The following PLCE1 variants were observed in gnomAD, a reference collection of about 807,000 sequenced individuals.
PLCE1 encodes the protein phospholipase C epsilon 1.
Under a neutral mutation model 242.8 loss-of-function variants are expected in PLCE1, and 119 were observed. The ratio of observed to expected loss-of-function variants is 0.49; its 90% CI spans 0.42 to 0.57. The LOEUF (loss-of-function observed/expected upper bound fraction) is 0.57. Ranked by LOEUF, PLCE1 falls within the 20% of genes least tolerant of loss-of-function variation. PLCE1 has a pLI of 0.00. For synonymous variants in PLCE1, 945 were observed against 1,017.4 expected (o/e 0.93, Z 1.35); for missense variants, 2,441 against 2,788.8 (o/e 0.88, Z 2.81).
Position 94,053,820 on chromosome 10 carries a change from G to A in PLCE1, c.1206+21568G>A, listed in dbSNP as rs185323926. Among the ~76,000 whole-genome samples, 515 of 152,340 alleles carry A rather than the reference G, an allele frequency of 3.4e-3. 2 individuals are homozygous for A. The highest frequency in any genetic ancestry group is 0.012 in the African/African-American group (496 of 41,572). The stretch of plus-strand genomic sequence containing the variant: ...AGCCTTCCAGTCGCTGAATGAAGTT[G>A]AAAAGTAGAACAGATTTGGAAAACA... On this transcript the variant is annotated intron_variant, in intron 2 of 32. Coordinates refer to ENST00000371380, the MANE Select transcript of PLCE1 (RefSeq NM_016341.4).
At chr10:94,216,967 T>G (rs2049550432) in intron 4 of PLCE1, among the ~76,000 whole-genome samples, 1 of 150,938 alleles carries the variant, frequency 6.6e-6, no homozygotes, top group African/African-American at 2.4e-5. Flanking sequence ...CATGCTCTAC[T>G]ATCTTCCATT....
rs548793473 is a variant in PLCE1 at position 94,237,554 on chromosome 10, C to A, written c.2420+1434C>A. Among the ~76,000 whole-genome samples the A allele has an allele frequency of 1.9e-4, 29 of 152,316 alleles. No individual in the cohort carries two copies. In the South Asian group the frequency reaches 6.0e-3, roughly 32 times the overall value. On this transcript the variant is annotated intron_variant, in intron 7 of 32. Coordinates refer to ENST00000371380, the MANE Select transcript of PLCE1 (RefSeq NM_016341.4). ...CCCATTTTCCAAGCCCTGCTGCAAG[C>A]ACTCTTAGAAGAGGAGAAAAACACA...
intron 1 of PLCE1, among the ~76,000 whole-genome samples, chr10:94,007,314 G>T (rs1251829546): frequency 1.4e-5 from 2 of 142,186 alleles, no homozygotes; most frequent in Non-Finnish European, 1.5e-5. Flanking sequence ...GGTGATAGTT[G>T]AATCTGTGGG....
intron 18 of PLCE1, among the ~76,000 whole-genome samples, chr10:94,271,697 C>T (rs2133145766): frequency 6.6e-6 from 1 of 152,262 alleles, no homozygotes; most frequent in Middle Eastern, 3.4e-3. Flanking sequence ...TGTTAACAGT[C>T]AGTCCTTCCT....
chr10:94,063,557 C>G (rs762493664), intron 2 of PLCE1, among the ~76,000 whole-genome samples: 1 of 152,196 alleles, frequency 6.6e-6, no homozygotes, highest in Non-Finnish European at 1.5e-5. Context: ...TTTGCCTATC[C>G]TAAGCACATT....
chr10:94,283,567 G>A, intron 20 of PLCE1: 2 of 425,526 alleles, frequency 4.7e-6, no homozygotes, highest in Non-Finnish European at 9.0e-6. Context: ...GTATATAAGT[G>A]ACAAAAACTA....
intron 2 of PLCE1, among the ~76,000 whole-genome samples, chr10:94,054,382 A>G (rs1764433395): frequency 6.6e-6 from 1 of 152,290 alleles, no homozygotes. Context: ...GAAGTACACC[A>G]TGTTCTAGGC....
intron 4 of PLCE1, among the ~76,000 whole-genome samples, chr10:94,195,983 A>T (rs2048808822): frequency 6.6e-6 from 1 of 152,164 alleles, no homozygotes; most frequent in African/African-American, 2.4e-5. Context: ...CTAGAGTTTG[A>T]ACTCTCAGAG....
intron 5 of PLCE1, among the ~76,000 whole-genome samples, chr10:94,228,028 G>A (rs2137189872): frequency 6.6e-6 from 1 of 152,336 alleles, no homozygotes; most frequent in East Asian, 1.9e-4. Context: ...AAAAGAGGAA[G>A]CTAAGGCTAA....
In PLCE1 at chr10:94,272,442, T is replaced by G. The variant is rs144369364; in HGVS notation, c.4507-1120T>G. 9.1e-3 allele frequency among the ~76,000 whole-genome samples: 1,382 copies of G among 152,282 alleles called. 23 individuals carry two copies. Among genetic ancestry groups the G allele is most frequent in the African/African-American group, 0.03 (1,247 of 41,556 alleles). On this transcript the variant is annotated intron_variant, in intron 18 of 32. Transcript: ENST00000371380. ...GTCTTCCCTTGTTCCCTAAAATCGC[T>G]GTTATTCTGTTCATTTTCAAGGTGC...
At chr10:94,141,582 AAGGGAAGGCT>A (rs1564727275) in intron 3 of PLCE1, among the ~76,000 whole-genome samples, 1 of 84,294 alleles carries the variant, frequency 1.2e-5, no homozygotes, top group African/African-American at 5.5e-5. Flanking sequence ...AGGGAAGGTG[AAGGGAAGGCT>A]AAGGGAAGGC....
intron 2 of PLCE1, among the ~76,000 whole-genome samples, chr10:94,067,646 G>C (rs1035628012): frequency 5.9e-5 from 9 of 152,224 alleles, no homozygotes; most frequent in Non-Finnish European, 1.2e-4. Flanking sequence ...AGGGCCTGAA[G>C]GGGGAAGAGG....
chr10:94,061,511 C>T (rs567547583), intron 2 of PLCE1, among the ~76,000 whole-genome samples: 59 of 152,020 alleles, frequency 3.9e-4, no homozygotes, highest in African/African-American at 1.4e-3. Context: ...GATGTGCATA[C>T]CATTAGCCAA....
intron 1 of PLCE1, among the ~76,000 whole-genome samples, chr10:93,999,821 T>C (rs921939044): frequency 3.3e-5 from 5 of 152,200 alleles, no homozygotes; most frequent in Non-Finnish European, 7.3e-5. Flanking sequence ...TTCCACCACC[T>C]CTGGGCCCTC....
At chr10:94,294,173 C>T (rs2052731667) in intron 23 of PLCE1, among the ~76,000 whole-genome samples, 2 of 152,180 alleles carry the variant, frequency 1.3e-5, no homozygotes, top group Non-Finnish European at 2.9e-5. Context: ...CAGTGTTTGC[C>T]TCACGAGTAA....
rs1278628615 is a variant in PLCE1 at position 94,147,074 on chromosome 10, C to G, written c.1492+14615C>G. Among the ~76,000 whole-genome samples the G allele has an allele frequency of 2.0e-5, 3 of 152,118 alleles. No homozygotes were observed. In the East Asian group the frequency reaches 5.8e-4, roughly 29 times the overall value. ...TAGAGAAACGCTGTGTCTCTCTCCC[C>G]CAACAGTTAAGTGGCATCATTTTCA... On this transcript the variant is annotated intron_variant, in intron 3 of 32. Transcript: ENST00000371380.
intron 2 of PLCE1, among the ~76,000 whole-genome samples, chr10:94,070,057 T>C (rs1281690508): frequency 6.6e-6 from 1 of 152,152 alleles, no homozygotes; most frequent in Non-Finnish European, 1.5e-5. Flanking sequence ...CTTATCAAGG[T>C]TGGCTAGTCT....
intron 29 of PLCE1, among the ~76,000 whole-genome samples, chr10:94,318,463 GATATAATGGAAACC>G (rs1459101289): frequency 9.9e-5 from 15 of 152,204 alleles, no homozygotes; most frequent in Non-Finnish European, 2.9e-5. Flanking sequence ...TATGTTGAAT[GATATAATGGAAACC>G]ATTTTACACT....
At chr10:94,302,523 C>T (rs757858433) in intron 24 of PLCE1, among the ~76,000 whole-genome samples, 3 of 148,402 alleles carry the variant, frequency 2.0e-5, no homozygotes, top group Non-Finnish European at 3.0e-5. Context: ...GTCATGATCA[C>T]AAAAAAAAAA....
Sources: allele counts gnomAD v4.1 joint callset (sites outside exome capture counted in the v4.1 genomes callset), GRCh38; gene constraint gnomAD v4.1.1; transcripts MANE v1.5; gene names NCBI Gene and HGNC (gene_info 2026-07-23, HGNC 2026-07-21).